Variants in INTU observed in about 807,000 individuals in gnomAD.
The protein encoded by INTU is protein inturned.
INTU carries 68 observed loss-of-function variants against 100.5 expected under a neutral mutation model. That is an observed-to-expected ratio of 0.68 (90% confidence interval 0.56 to 0.83). The LOEUF (loss-of-function observed/expected upper bound fraction) is 0.83. Ranked by LOEUF, INTU falls within the 40% of genes least tolerant of loss-of-function variation. The probability of loss-of-function intolerance (pLI) is 0.00; values close to 1 mark genes in which losing one functional copy is unlikely to be tolerated. For missense variants in INTU, 1,071 were observed against 1,114.7 expected (o/e 0.96, Z 0.56); for synonymous variants, 357 against 395.7 (o/e 0.90, Z 1.16).
At chr4:127,675,398 T>C (rs771901884) in intron 6 of INTU, among the ~76,000 whole-genome samples, 2 of 152,224 alleles carry the variant, frequency 1.3e-5, no homozygotes, top group Non-Finnish European at 2.9e-5. Flanking sequence ...AATATGACTA[T>C]TTTTTATTAC....
chr4:127,716,469 T>A lies in INTU; in HGVS notation c.*33T>A. 9.8e-7 allele frequency: 1 copy of A among 1,020,100 alleles called. No homozygotes were observed. Among genetic ancestry groups the A allele is most frequent in the Non-Finnish European group, 1.5e-6 (1 of 689,626 alleles). The allele number at this position is 1,020,100 out of a possible 1,614,324, so 63.2% of individuals were successfully genotyped here. A position where few individuals can be genotyped will look rare whatever the true frequency, so the allele number is the denominator to read the frequency against. On this transcript the variant is annotated 3_prime_UTR_variant, in exon 16 of 16. Coordinates refer to ENST00000335251, the MANE Select transcript of INTU (RefSeq NM_015693.4). ...TTCTTGATGCGTAGAAACACGTGCA[T>A]GGAGGATCAAACACTGTCAGAATTG...
intron 2 of INTU, among the ~76,000 whole-genome samples, chr4:127,646,184 C>CAAAAAA (rs71587329): frequency 2.4e-5 from 3 of 127,518 alleles, no homozygotes; most frequent in Admixed American, 7.9e-5. Context: ...GACTCTGTCT[C>CAAAAAA]AAAAAAAAAA....
At chr4:127,693,155 T>C (rs1357908101) in intron 8 of INTU, among the ~76,000 whole-genome samples, 1 of 152,198 alleles carries the variant, frequency 6.6e-6, no homozygotes, top group African/African-American at 2.4e-5. Context: ...ACTGAATTTG[T>C]AGATTGCTTT....
intron 4 of INTU, among the ~76,000 whole-genome samples, chr4:127,665,358 T>C (rs1728650860): frequency 6.6e-6 from 1 of 151,854 alleles, no homozygotes; most frequent in Non-Finnish European, 1.5e-5. Flanking sequence ...TCACTTTTTC[T>C]TTACTCATCA....
intron 2 of INTU, among the ~76,000 whole-genome samples, chr4:127,646,718 A>G (rs1727607909): frequency 6.6e-6 from 1 of 152,180 alleles, no homozygotes; most frequent in African/African-American, 2.4e-5. Context: ...TCACAAAAGC[A>G]AGTTGGTACC....
intron 1 of INTU, among the ~76,000 whole-genome samples, chr4:127,634,734 G>C (rs537597249): frequency 1.4e-4 from 22 of 152,188 alleles, no homozygotes; most frequent in African/African-American, 5.1e-4. Context: ...AAGATGTTTT[G>C]CTGGTCTGTA....
At chr4:127,657,474 C>T (rs749730283) in intron 3 of INTU, among the ~76,000 whole-genome samples, 6 of 151,830 alleles carry the variant, frequency 4.0e-5, no homozygotes, top group Non-Finnish European at 5.9e-5. Flanking sequence ...CCCTGGGCCA[C>T]GGACTGGTAG....
At chr4:127,712,853 A>T (rs1045978609) in intron 14 of INTU, among the ~76,000 whole-genome samples, 2 of 152,228 alleles carry the variant, frequency 1.3e-5, no homozygotes, top group Non-Finnish European at 2.9e-5. Context: ...AGGTTCTCAT[A>T]GGAGTGCAAA....
chr4:127,644,230 G>A (rs764277886), intron 2 of INTU, among the ~76,000 whole-genome samples, 174 bp downstream of exon 2: 10 of 152,218 alleles, frequency 6.6e-5, no homozygotes, highest in Admixed American at 1.3e-4. Context: ...AAGGCACAGT[G>A]TTCTTAAAAT....
Position 127,720,595 on chromosome 4 carries a change from T to G in INTU, c.*4159T>G, listed in dbSNP as rs1267273044. On this transcript the variant is annotated 3_prime_UTR_variant, in exon 16 of 16. Transcript: ENST00000335251. ...AGTGGGGTGTTAAAGTCTCCCACTATTATTGTGTGGAAATCTAAGTCTCTT... is the reference window on the plus strand; with the variant it reads ...AGTGGGGTGTTAAAGTCTCCCACTAGTATTGTGTGGAAATCTAAGTCTCTT... The G allele has an allele frequency of 6.6e-6, 1 of 152,226 alleles. No homozygotes were observed. The highest frequency in any genetic ancestry group is 1.5e-5 in the Non-Finnish European group (1 of 68,030). The allele number at this position is 152,226 out of a possible 1,614,324, so 9.4% of individuals were successfully genotyped here. A position where few individuals can be genotyped will look rare whatever the true frequency, so the allele number is the denominator to read the frequency against.
chr4:127,705,770 T>C lies in INTU; in HGVS notation c.1746T>C (p.Phe582=). 6.2e-7 allele frequency: 1 copy of C among 1,614,102 alleles called. No individual in the cohort carries two copies. Among genetic ancestry groups the C allele is most frequent in the Non-Finnish European group, 8.5e-7 (1 of 1,179,956 alleles). The change falls in exon 11 of 16, where the codon TTT becomes TTC. Residue 582 remains phenylalanine, a synonymous_variant. Coordinates refer to ENST00000335251, the MANE Select transcript of INTU (RefSeq NM_015693.4). ...TGGCAGACTCAAGCACTGAAGTCTT[T>C]CCGGAACCTGAAGGAAGATATTTTT... is the stretch of plus-strand genomic sequence containing the variant. ...RPLADSSTEV[F]PEPEGRYFLL... is the part of the protein sequence containing the mutation.
At position 127,713,943 on chromosome 4, in the gene INTU, A is replaced by C. The variant is rs1731175130; in HGVS notation, c.2567A>C (p.Lys856Thr). Residue 856 changes from lysine (K) to threonine (T), a missense_variant, in exon 15 of 16, where the codon AAA becomes ACA. By Grantham distance (78) the Lys-to-Thr change is moderately conservative. Transcript: ENST00000335251. ...FQQTLVEEKKKGLNSGDHSDS... is the reference protein window; with the variant it reads ...FQQTLVEEKKTGLNSGDHSDS... The stretch of plus-strand genomic sequence containing the variant: ...ATACCTATTAATTTACAGAAAAAGA[A>C]AGGACTAAATAGTGGAGACCATTCA... 6.3e-7 allele frequency: 1 copy of C among 1,594,272 alleles called. No individual in the cohort carries two copies. The highest frequency in any genetic ancestry group is 2.2e-5 in the East Asian group (1 of 44,592).
At chr4:127,679,115 G>C (rs1239977948) in intron 6 of INTU, among the ~76,000 whole-genome samples, 1 of 151,600 alleles carries the variant, frequency 6.6e-6, no homozygotes, top group Non-Finnish European at 1.5e-5. Flanking sequence ...AGTCCTGAGT[G>C]ACCTACAAAG....
At chr4:127,681,642 T>G (rs1463979064) in intron 6 of INTU, among the ~76,000 whole-genome samples, 1 of 152,112 alleles carries the variant, frequency 6.6e-6, no homozygotes. Context: ...CCTAAAACCA[T>G]AAAAACCCTA....
chr4:127,673,325 G>C lies in INTU; in HGVS notation c.1092-799G>C, dbSNP rs75450969. 2.5e-4 allele frequency among the ~76,000 whole-genome samples: 38 copies of C among 150,492 alleles called. No individual in the cohort carries two copies. In the South Asian group the frequency reaches 8.0e-3, roughly 32 times the overall value. The stretch of plus-strand genomic sequence containing the variant: ...CACCCCAAGTAGCTAGGGACTACAG[G>C]ACCACTCCACTACACCCAGCTAATT... On this transcript the variant is annotated intron_variant, in intron 5 of 15. Coordinates refer to ENST00000335251, the MANE Select transcript of INTU (RefSeq NM_015693.4).
intron 4 of INTU, among the ~76,000 whole-genome samples, chr4:127,665,803 A>G (rs1245893105): frequency 6.6e-6 from 1 of 152,172 alleles, no homozygotes; most frequent in African/African-American, 2.4e-5. Flanking sequence ...AAGAAGTATC[A>G]TCATTTCTGC....
At chr4:127,680,356 TA>T (rs1173684918) in intron 6 of INTU, among the ~76,000 whole-genome samples, 4 of 146,908 alleles carry the variant, frequency 2.7e-5, no homozygotes, top group Non-Finnish European at 4.5e-5. Flanking sequence ...AAATCCTCAA[TA>T]AAATACTGGC....
intron 5 of INTU, among the ~76,000 whole-genome samples, chr4:127,672,467 C>CT (rs55709540): frequency 0.02 from 2,253 of 115,194 alleles, 67 homozygotes; most frequent in African/African-American, 0.065. Context: ...TGCGGTGTTG[C>CT]TTTTTTTTTT....
intron 5 of INTU, 128 bp downstream of exon 5, chr4:127,669,282 A>G: frequency 2.1e-6 from 1 of 469,312 alleles, no homozygotes; most frequent in Non-Finnish European, 3.8e-6. Context: ...TATATACATT[A>G]TAGTCTATAA....
Sources: gnomAD v4.1 joint callset for allele counts (sites outside exome capture counted in the v4.1 genomes callset) on GRCh38, gnomAD v4.1.1 for gene constraint, MANE v1.5 for transcripts, NCBI Gene and HGNC (gene_info 2026-07-23, HGNC 2026-07-21) for gene names.